CCSER1: variants seen among roughly 807,000 people sequenced by gnomAD.
The protein encoded by CCSER1 is coiled-coil serine rich protein 1, also known as serine-rich coiled-coil domain-containing protein 1.
Under a neutral mutation model 82.0 loss-of-function variants are expected in CCSER1, and 41 were observed. The ratio of observed to expected loss-of-function variants is 0.50; its 90% confidence interval spans 0.39 to 0.65. The LOEUF is 0.65. Among genes scored for constraint, CCSER1 ranks in the 30% least tolerant of loss-of-function variants. CCSER1 has a pLI of 0.00. For missense variants in CCSER1, 1,119 were observed against 1,064.2 expected (o/e 1.05, Z -0.72); for synonymous variants, 414 against 383.9 (o/e 1.08, Z -0.92).
At chr4:91,406,761 T>C in intron 10 of CCSER1, among the ~76,000 whole-genome samples, 1 of 152,362 alleles carries the variant, frequency 6.6e-6, no homozygotes, top group East Asian at 1.9e-4. Context: ...ATTCTGCTTT[T>C]ATTATATTGT....
chr4:91,597,204 A>G (rs1939135784), intron 10 of CCSER1, among the ~76,000 whole-genome samples: 2 of 152,048 alleles, frequency 1.3e-5, no homozygotes, highest in Admixed American at 1.3e-4. Context: ...CTGTGCTACA[A>G]TTTTCCAGTC....
intron 9 of CCSER1, among the ~76,000 whole-genome samples, chr4:90,927,067 AT>A (rs1729160595): frequency 6.6e-6 from 1 of 152,070 alleles, no homozygotes. Flanking sequence ...TAATCAAAAT[AT>A]TCTAAAGATC....
intron 10 of CCSER1, among the ~76,000 whole-genome samples, chr4:91,095,668 C>T (rs1724439194): frequency 6.6e-6 from 1 of 152,226 alleles, no homozygotes; most frequent in Admixed American, 6.5e-5. Context: ...CGATAGGCCT[C>T]ACACTGTCTT....
intron 10 of CCSER1, among the ~76,000 whole-genome samples, chr4:91,230,126 TAAACTTTAGCCAC>T (rs890829545): frequency 3.9e-5 from 6 of 152,074 alleles, no homozygotes; most frequent in Admixed American, 1.3e-4. Flanking sequence ...TCCTCCAAAA[TAAACTTTAGCCAC>T]AAACTTTAGC....
At chr4:90,659,245 A>G (rs1730308372) in intron 6 of CCSER1, among the ~76,000 whole-genome samples, 1 of 152,184 alleles carries the variant, frequency 6.6e-6, no homozygotes, top group Non-Finnish European at 1.5e-5. Context: ...GAAGAAAGCA[A>G]CAAATAATTA....
intron 10 of CCSER1, among the ~76,000 whole-genome samples, chr4:91,522,541 T>C (rs1048246704): frequency 6.6e-6 from 1 of 152,204 alleles, no homozygotes; most frequent in African/African-American, 2.4e-5. Flanking sequence ...TGTCCTCTTT[T>C]ATTTCGTTGA....
intron 6 of CCSER1, among the ~76,000 whole-genome samples, chr4:90,654,303 A>G (rs1471069307): frequency 6.6e-6 from 1 of 152,154 alleles, no homozygotes; most frequent in African/African-American, 2.4e-5. Context: ...GGAATAACAT[A>G]TACTTTATAA....
intron 10 of CCSER1, among the ~76,000 whole-genome samples, chr4:91,197,318 T>C (rs1306200829): frequency 6.6e-6 from 1 of 152,188 alleles, no homozygotes; most frequent in Non-Finnish European, 1.5e-5. Flanking sequence ...TCCTAGCATC[T>C]TGGAAGACAT....
At chr4:91,133,254 T>A (rs1367093598) in intron 10 of CCSER1, among the ~76,000 whole-genome samples, 2 of 152,188 alleles carry the variant, frequency 1.3e-5, no homozygotes, top group South Asian at 2.1e-4. Flanking sequence ...TTTTGCTTTT[T>A]CTTGTTTTCT....
intron 1 of CCSER1, among the ~76,000 whole-genome samples, chr4:90,131,870 G>T (rs1434947199): frequency 6.6e-6 from 1 of 151,914 alleles, no homozygotes; most frequent in Non-Finnish European, 1.5e-5. Context: ...GTGTATATAG[G>T]TTGATTTTAG....
At chr4:90,507,960 C>T (rs1770947655) in intron 5 of CCSER1, among the ~76,000 whole-genome samples, 1 of 151,754 alleles carries the variant, frequency 6.6e-6, no homozygotes. Context: ...TAAGCATGAA[C>T]ATAAAAGAAC....
At chr4:90,970,038 A>G (rs867767114) in intron 9 of CCSER1, among the ~76,000 whole-genome samples, 1 of 151,916 alleles carries the variant, frequency 6.6e-6, no homozygotes, top group African/African-American at 2.4e-5. Context: ...AGAAGAAGAA[A>G]GAAACAAAGA....
In CCSER1 at chr4:90,133,886, A is replaced by G. The variant is rs184381298; in HGVS notation, c.-42+6055A>G. Among the ~76,000 whole-genome samples the G allele has an allele frequency of 2.1e-3, 318 of 152,332 alleles. 4 individuals carry two copies. The highest frequency in any genetic ancestry group is 6.6e-3 in the African/African-American group (273 of 41,568). ...TGATAAATAGTGCCTAAAAGAATAT[A>G]TGAATAAATAACTGAGCTTCTTTGC... On this transcript the variant is annotated intron_variant, in intron 1 of 10. Transcript: ENST00000509176.
At chr4:90,885,970 G>A (rs1256182968) in intron 8 of CCSER1, among the ~76,000 whole-genome samples, 1 of 151,964 alleles carries the variant, frequency 6.6e-6, no homozygotes, top group Non-Finnish European at 1.5e-5. Context: ...CATTGTCTGA[G>A]GTAAGTCAGT....
intron 4 of CCSER1, among the ~76,000 whole-genome samples, chr4:90,449,745 G>A (rs541022135): frequency 7.9e-5 from 12 of 152,332 alleles, no homozygotes; most frequent in African/African-American, 2.9e-4. Context: ...CACCAGGTGT[G>A]GGGAGAGGCC....
intron 10 of CCSER1, among the ~76,000 whole-genome samples, chr4:91,096,056 G>A (rs1724478922): frequency 6.6e-6 from 1 of 152,176 alleles, no homozygotes; most frequent in Non-Finnish European, 1.5e-5. Context: ...GCTTTTCAGT[G>A]TAAGATGGAA....
intron 10 of CCSER1, among the ~76,000 whole-genome samples, chr4:91,477,233 A>G (rs1757644927): frequency 6.6e-6 from 1 of 151,750 alleles, no homozygotes; most frequent in Non-Finnish European, 1.5e-5. Flanking sequence ...AAAAATAATA[A>G]TAATCCAATT....
intron 10 of CCSER1, among the ~76,000 whole-genome samples, chr4:91,255,374 T>G (rs558333512): frequency 6.6e-6 from 1 of 152,298 alleles, no homozygotes; most frequent in Admixed American, 6.5e-5. Context: ...ATAACCTTAT[T>G]ACTATTATTA....
chr4:91,506,870 C>A (rs1001410653), intron 10 of CCSER1, among the ~76,000 whole-genome samples: 2 of 152,034 alleles, frequency 1.3e-5, no homozygotes, highest in Non-Finnish European at 2.9e-5. Flanking sequence ...CTATTTTGGA[C>A]GTTCATGTAT....
Sources: allele counts gnomAD v4.1 joint callset (sites outside exome capture counted in the v4.1 genomes callset), GRCh38; gene constraint gnomAD v4.1.1; transcripts MANE v1.5; gene names NCBI Gene and HGNC (gene_info 2026-07-23, HGNC 2026-07-21).